NHSL1: variants seen among roughly 807,000 people sequenced by gnomAD.
NHSL1 encodes the protein NHS like 1.
A neutral mutation model predicts 95.0 loss-of-function variants in NHSL1; 48 were observed. The ratio of observed to expected loss-of-function variants is 0.51; its 90% CI spans 0.40 to 0.64. The LOEUF is 0.64. NHSL1 is among the 30% of genes least tolerant of loss of function. NHSL1 has a pLI of 0.00. For synonymous variants in NHSL1, 783 were observed against 833.9 expected, an observed-to-expected ratio of 0.94 and a Z score of 1.05; for missense variants, 1,971 against 2,077.7, an observed-to-expected ratio of 0.95 and a Z score of 1.00.
intron 2 of NHSL1, among the ~76,000 whole-genome samples, chr6:138,492,381 C>G (rs61299425): frequency 0.043 from 6,513 of 152,214 alleles, 469 homozygotes; most frequent in African/African-American, 0.15. Flanking sequence ...AGTAGCAAAC[C>G]TCAAGACAAA....
chr6:138,552,672 A>G (rs1006967169), intron 1 of NHSL1, among the ~76,000 whole-genome samples: 2 of 151,984 alleles, frequency 1.3e-5, no homozygotes, highest in African/African-American at 4.8e-5. Flanking sequence ...CTTCCCAGGG[A>G]AGGTAAAGAT....
chr6:138,606,678 C>T (rs1345513780), intron 1 of NHSL1, among the ~76,000 whole-genome samples: 48 of 150,606 alleles, frequency 3.2e-4, no homozygotes, highest in Non-Finnish European at 1.5e-5. Context: ...CTTCATCTGG[C>T]TACTTCTTTT....
intron 2 of NHSL1, among the ~76,000 whole-genome samples, chr6:138,490,763 G>A (rs1464442637): frequency 6.6e-6 from 1 of 151,866 alleles, no homozygotes; most frequent in Admixed American, 6.6e-5. Flanking sequence ...CTCCTGAGAA[G>A]GCTGGGACTA....
At chr6:138,656,316 A>G (rs1325039796) in intron 1 of NHSL1, among the ~76,000 whole-genome samples, 1 of 152,194 alleles carries the variant, frequency 6.6e-6, no homozygotes, top group East Asian at 1.9e-4. Context: ...ATTAACTCCA[A>G]TTTTATAAAA....
At chr6:138,650,531 G>GAAAA in intron 1 of NHSL1, 1 of 609,200 alleles carries the variant, frequency 1.6e-6, no homozygotes, top group Non-Finnish European at 3.2e-6. Context: ...GTAGGTTACA[G>GAAAA]CCTCACAAGA....
chr6:138,525,077 C>A (rs1036004584), intron 1 of NHSL1, among the ~76,000 whole-genome samples: 1 of 152,096 alleles, frequency 6.6e-6, no homozygotes, highest in South Asian at 2.1e-4. Context: ...ATTTCTAGTC[C>A]TCACCTTGCC....
chr6:138,510,866 G>C (rs935956680), intron 1 of NHSL1, among the ~76,000 whole-genome samples: 2 of 152,158 alleles, frequency 1.3e-5, no homozygotes, highest in African/African-American at 2.4e-5. Context: ...CTAAATTCTA[G>C]TACCCTGGTA....
At chr6:138,562,024 G>C (rs1783431257) in intron 1 of NHSL1, among the ~76,000 whole-genome samples, 1 of 152,190 alleles carries the variant, frequency 6.6e-6, no homozygotes, top group African/African-American at 2.4e-5. Flanking sequence ...GAATTCAACG[G>C]AACAGAGAAG....
chr6:138,511,112 A>G (rs1247959468), intron 1 of NHSL1, among the ~76,000 whole-genome samples: 1 of 152,224 alleles, frequency 6.6e-6, no homozygotes, highest in African/African-American at 2.4e-5. Flanking sequence ...GACTTTGTAA[A>G]AATGATACGC....
chr6:138,572,883 A>ATAGATAGATAGATAGATAGATAGG (rs1349838346), upstream of NHSL1, among the ~76,000 whole-genome samples: 1 of 152,192 alleles, frequency 6.6e-6, no homozygotes, highest in African/African-American at 2.4e-5. Flanking sequence ...AGATAGATAG[A>ATAGATAGATAGATAGATAGATAGG]TAGATACATC....
intron 1 of NHSL1, among the ~76,000 whole-genome samples, chr6:138,659,018 T>C (rs1175862748): frequency 2.0e-5 from 3 of 151,636 alleles, no homozygotes; most frequent in Non-Finnish European, 4.4e-5. Context: ...GAAGTCACTA[T>C]GTATAACATG....
chr6:138,438,255 T>C (rs1343622512), intron 5 of NHSL1, among the ~76,000 whole-genome samples: 4 of 152,196 alleles, frequency 2.6e-5, no homozygotes, highest in Non-Finnish European at 5.9e-5. Context: ...GCCATCAAAT[T>C]TGAGGTAAGA....
At chr6:138,438,468 A>C (rs979070176) in intron 5 of NHSL1, among the ~76,000 whole-genome samples, 5 of 152,084 alleles carry the variant, frequency 3.3e-5, no homozygotes, top group African/African-American at 1.2e-4. Flanking sequence ...TGCAATATTC[A>C]CTTTATTGTA....
At position 138,433,309 on chromosome 6, in the gene NHSL1, G is replaced by C. The variant is rs1192233437; in HGVS notation, c.1036C>G (p.Pro346Ala). 3 of 1,551,454 alleles carry C rather than the reference G, an allele frequency of 1.9e-6. No individual in the cohort carries two copies. The highest frequency in any genetic ancestry group is 3.9e-5 in the Admixed American group (2 of 50,986). Residue 346 changes from proline (P) to alanine (A), a missense_variant, in exon 6 of 8, where the codon CCT (proline) becomes GCT (alanine). Coordinates refer to ENST00000343505, the MANE Select transcript of NHSL1 (RefSeq NM_001144060.2). ...SLEPRLGALG[P>A]AGDMNGTFLY... ...AAAGTGCCATTCATGTCTCCTGCAGGGCCGAGGGCACCCAGCCTCGGCTCA... is the reference window on the plus strand; with the variant it reads ...AAAGTGCCATTCATGTCTCCTGCAGCGCCGAGGGCACCCAGCCTCGGCTCA...
At chr6:138,673,827 T>C (rs997648756) in intron 1 of NHSL1, among the ~76,000 whole-genome samples, 1 of 152,226 alleles carries the variant, frequency 6.6e-6, no homozygotes, top group East Asian at 1.9e-4. Context: ...TTTAAAAACA[T>C]GTACTTTACC....
chr6:138,499,873 C>G (rs1562330270), upstream of NHSL1, among the ~76,000 whole-genome samples: 1 of 152,128 alleles, frequency 6.6e-6, no homozygotes, highest in Non-Finnish European at 1.5e-5. Flanking sequence ...CCAACCACGC[C>G]CCAGGCTCTG....
At chr6:138,473,197 C>G in intron 3 of NHSL1, 109 bp downstream of exon 3, 5 of 979,340 alleles carry the variant, frequency 5.1e-6, no homozygotes, top group Non-Finnish European at 6.9e-6. Flanking sequence ...TGAGACAATA[C>G]TATTGATTAA....
At chr6:138,588,094 C>T (rs6918682) in intron 1 of NHSL1, among the ~76,000 whole-genome samples, 71,167 of 152,186 alleles carry the variant, frequency 0.47, 18,758 homozygotes, top group African/African-American at 0.71. Flanking sequence ...CTCCATAAAA[C>T]CCTTAGAAAT....
intron 1 of NHSL1, among the ~76,000 whole-genome samples, chr6:138,691,339 G>A (rs554510996): frequency 6.6e-6 from 1 of 152,212 alleles, no homozygotes; most frequent in South Asian, 2.1e-4. Flanking sequence ...AAACTGCCAC[G>A]AATTAATTAT....
Sources: gnomAD v4.1 joint callset for allele counts (sites outside exome capture counted in the v4.1 genomes callset) on GRCh38, gnomAD v4.1.1 for gene constraint, MANE v1.5 for transcripts, NCBI Gene and HGNC (gene_info 2026-07-23, HGNC 2026-07-21) for gene names.